HHAT: variants seen among roughly 807,000 people sequenced by gnomAD.
HHAT encodes the protein hedgehog acyltransferase.
A neutral mutation model predicts 70.8 loss-of-function variants in HHAT; 47 were observed. The ratio of observed to expected loss-of-function variants is 0.66; its 90% CI spans 0.53 to 0.85. The LOEUF (loss-of-function observed/expected upper bound fraction) is 0.85. Among genes scored for constraint, HHAT ranks in the 40% least tolerant of loss-of-function variants. The pLI is 0.00. For synonymous variants in HHAT, 228 were observed against 247.6 expected (o/e 0.92, Z 0.74); for missense variants, 609 against 604.8 (o/e 1.01, Z -0.07).
chr1:210,338,483 C>G (rs2085712978), intron 1 of HHAT, among the ~76,000 whole-genome samples: 1 of 152,130 alleles, frequency 6.6e-6, no homozygotes, highest in Non-Finnish European at 1.5e-5. Context: ...ATAAAAAAGC[C>G]TTTTTAAGCA....
chr1:210,431,041 T>C (rs2093227497), intron 7 of HHAT, among the ~76,000 whole-genome samples: 1 of 151,942 alleles, frequency 6.6e-6, no homozygotes, highest in Admixed American at 6.5e-5. Flanking sequence ...TATTTTGGGA[T>C]GTTTGATTGT....
intron 11 of HHAT, among the ~76,000 whole-genome samples, chr1:210,650,567 A>C (rs1674935204): frequency 6.6e-6 from 1 of 152,254 alleles, no homozygotes. Context: ...GAGCAAACAT[A>C]ATACAAGGGC....
chr1:210,504,439 A>G (rs1278252758), intron 8 of HHAT, among the ~76,000 whole-genome samples: 2 of 152,218 alleles, frequency 1.3e-5, no homozygotes, highest in African/African-American at 4.8e-5. Context: ...TGGAGGGATT[A>G]ACTTTTTGCC....
At chr1:210,540,015 G>C (rs17188337) in intron 9 of HHAT, among the ~76,000 whole-genome samples, 28,649 of 152,174 alleles carry the variant, frequency 0.19, 3,302 homozygotes, top group Middle Eastern at 0.29. Context: ...AGTGCGAAGG[G>C]ATTGGATTGC....
chr1:210,425,408 T>G (rs139768583), intron 7 of HHAT, among the ~76,000 whole-genome samples: 1 of 152,202 alleles, frequency 6.6e-6, no homozygotes, highest in Non-Finnish European at 1.5e-5. Flanking sequence ...CGTCATGAAG[T>G]CTTTGTCCAT....
In HHAT at chr1:210,350,852, G is replaced by A. The variant is rs527681720; in HGVS notation, c.91+1786G>A. ...CCTAATTTAACTGGGGAAACTTCTG[G>A]TTTCTCACCATTAAGTATGACATTA... is the stretch of plus-strand genomic sequence containing the variant. On this transcript the variant is annotated intron_variant, in intron 2 of 11. Coordinates refer to ENST00000261458, the MANE Select transcript of HHAT (RefSeq NM_018194.6). Among the ~76,000 whole-genome samples the A allele has an allele frequency of 3.3e-5, 5 of 152,194 alleles. No homozygotes were observed. In the South Asian group the frequency reaches 8.3e-4, roughly 25 times the overall value.
Position 210,374,314 on chromosome 1 carries a change from T to A in HHAT, c.159+11395T>A, listed in dbSNP as rs188461235. 2.0e-4 allele frequency: 30 copies of A among 152,360 alleles called. No individual in the cohort carries two copies. The East Asian group carries it at 4.8e-3, about 25-fold the overall frequency. 9.4% of individuals were successfully genotyped at this position (152,360 alleles called of 1,614,324 possible). ...TCATTGTTGCAGTAACCGCAACTCC[T>A]AGTACGCCGATGGTGCCTACAGTTC... is the stretch of plus-strand genomic sequence containing the variant. On this transcript the variant is annotated intron_variant, in intron 3 of 11. Transcript: ENST00000261458.
At chr1:210,557,285 T>C (rs1175924430) in intron 9 of HHAT, among the ~76,000 whole-genome samples, 1 of 152,210 alleles carries the variant, frequency 6.6e-6, no homozygotes, top group Admixed American at 6.5e-5. Flanking sequence ...CCATAATAAA[T>C]GCCCCCATGA....
intron 11 of HHAT, among the ~76,000 whole-genome samples, chr1:210,624,100 C>A (rs1669398080): frequency 6.6e-6 from 1 of 152,024 alleles, no homozygotes; most frequent in South Asian, 2.1e-4. Flanking sequence ...GGTCTGCCCG[C>A]ATGAATGGAT....
At chr1:210,371,655 T>C (rs1329377344) in intron 3 of HHAT, among the ~76,000 whole-genome samples, 1 of 152,056 alleles carries the variant, frequency 6.6e-6, no homozygotes, top group Admixed American at 6.6e-5. Context: ...TCCCATCAGA[T>C]GGAGGGAAGC....
At chr1:210,536,709 C>T (rs1179933449) in intron 9 of HHAT, among the ~76,000 whole-genome samples, 2 of 152,230 alleles carry the variant, frequency 1.3e-5, no homozygotes, top group Non-Finnish European at 2.9e-5. Context: ...AGACACCCCT[C>T]AGATAATTCC....
At position 210,345,521 on chromosome 1, in the gene HHAT, G is replaced by T. The variant is rs570411114; in HGVS notation, c.-43-3412G>T. On this transcript the variant is annotated intron_variant, in intron 1 of 11. Coordinates refer to ENST00000261458, the MANE Select transcript of HHAT (RefSeq NM_018194.6). ...TCACTTGCTGATTCACCAAACTTGG[G>T]TAAATAATGATCTTACCTGTGCTTA... Among the ~76,000 whole-genome samples, 17 of 152,268 alleles carry T rather than the reference G, an allele frequency of 1.1e-4. 1 individual carries two copies. Among genetic ancestry groups the T allele is most frequent in the Non-Finnish European group, 2.1e-4 (14 of 68,030 alleles).
At chr1:210,503,859 C>A (rs879626063) in intron 8 of HHAT, among the ~76,000 whole-genome samples, 1 of 152,150 alleles carries the variant, frequency 6.6e-6, no homozygotes, top group African/African-American at 2.4e-5. Flanking sequence ...CTTATACACA[C>A]CCCACGCAAA....
chr1:210,535,220 A>T (rs1261402196), intron 9 of HHAT, among the ~76,000 whole-genome samples: 1 of 152,208 alleles, frequency 6.6e-6, no homozygotes, highest in South Asian at 2.1e-4. Flanking sequence ...CAACCTGGCC[A>T]TGTGAACATG....
chr1:210,592,471 C>T (rs1411075227), intron 10 of HHAT, among the ~76,000 whole-genome samples: 3 of 151,958 alleles, frequency 2.0e-5, no homozygotes, highest in African/African-American at 7.3e-5. Flanking sequence ...AATGTGATTC[C>T]TCCAGTTTTG....
chr1:210,462,561 G>C (rs185943952), intron 7 of HHAT: 1 of 152,262 alleles, frequency 6.6e-6, no homozygotes, highest in East Asian at 1.9e-4. Context: ...CTCTTTATCA[G>C]GCACGTCCAA....
intron 8 of HHAT, among the ~76,000 whole-genome samples, chr1:210,495,310 A>G (rs1158630325): frequency 6.6e-6 from 1 of 151,706 alleles, no homozygotes; most frequent in African/African-American, 2.4e-5. Flanking sequence ...AATTTATATA[A>G]TAGATGACTT....
intron 10 of HHAT, among the ~76,000 whole-genome samples, chr1:210,608,142 G>A (rs1439845027): frequency 6.6e-6 from 1 of 152,140 alleles, no homozygotes; most frequent in Non-Finnish European, 1.5e-5. Context: ...CTGCAGTGAA[G>A]ACTCCATTTC....
intron 9 of HHAT, among the ~76,000 whole-genome samples, chr1:210,578,481 A>G (rs1192817858): frequency 6.6e-6 from 1 of 152,242 alleles, no homozygotes; most frequent in Non-Finnish European, 1.5e-5. Flanking sequence ...TGAGTATACA[A>G]AATAATTGAA....
Sources: gnomAD v4.1 joint callset for allele counts (sites outside exome capture counted in the v4.1 genomes callset) on GRCh38, gnomAD v4.1.1 for gene constraint, MANE v1.5 for transcripts, NCBI Gene and HGNC (gene_info 2026-07-23, HGNC 2026-07-21) for gene names.